The following TNFRSF13B variants were observed in gnomAD, a reference collection of about 807,000 sequenced individuals.
The protein encoded by TNFRSF13B is TNF receptor superfamily member 13B.
A neutral mutation model predicts 24.0 loss-of-function variants in TNFRSF13B; 34 were observed. That is an observed-to-expected ratio of 1.41 (90% CI 1.08 to 1.88). The LOEUF (loss-of-function observed/expected upper bound fraction) is 1.88. TNFRSF13B is among the 40% of genes most tolerant of loss of function. The probability of loss-of-function intolerance (pLI) is 0.00; values close to 1 mark genes in which losing one functional copy is unlikely to be tolerated. For synonymous variants in TNFRSF13B, 173 were observed against 150.3 expected (o/e 1.15, Z -1.10); for missense variants, 415 against 380.8 (o/e 1.09, Z -0.75).
At chr17:16,958,689 C>T (rs766893645) in intron 1 of TNFRSF13B, among the ~76,000 whole-genome samples, 3 of 151,842 alleles carry the variant, frequency 2.0e-5, no homozygotes, top group Non-Finnish European at 2.9e-5. Context: ...ACAAAGCAGA[C>T]TTTAAATCAC....
chr17:16,939,646 G>T lies in TNFRSF13B; in HGVS notation c.783C>A (p.Cys261Ter), dbSNP rs1452041895. 7 of 1,612,562 alleles carry T rather than the reference G, an allele frequency of 4.3e-6. No individual in the cohort carries two copies. The highest frequency in any genetic ancestry group is 4.5e-5 in the East Asian group (2 of 44,866). The change falls in exon 5 of 5, where the codon TGC (cysteine) becomes TGA (stop). Residue 261 changes from cysteine to a stop codon, truncating the protein, a stop_gained. Transcript: ENST00000261652. LOFTEE classifies it low-confidence loss of function (END_TRUNC). ...GCTGCAGGACTGTGGTCCTGGTGTGGCACCCCCACCTTCCAGCACAAGTGG... is the reference window on the plus strand; with the variant it reads ...GCTGCAGGACTGTGGTCCTGGTGTGTCACCCCCACCTTCCAGCACAAGTGG... ...PDPTCAGRWG[C>*]HTRTTVLQPC...
At position 16,939,522 on chromosome 17, in the gene TNFRSF13B, C is replaced by T. The variant is rs761359165; in HGVS notation, c.*25G>A. The stretch of plus-strand genomic sequence containing the variant: ...TCCCCTCCTCTCCATCTCTCTCCCT[C>T]CTCCTTTCCCTCCCTGACCCCCATT... On this transcript the variant is annotated 3_prime_UTR_variant, in exon 5 of 5. Transcript: ENST00000261652. 1.2e-4 allele frequency: 200 copies of T among 1,609,350 alleles called. No homozygotes were observed. The highest frequency in any genetic ancestry group is 1.5e-4 in the Non-Finnish European group (180 of 1,177,546).
intron 3 of TNFRSF13B, among the ~76,000 whole-genome samples, chr17:16,947,054 C>G (rs1227399191): frequency 6.6e-6 from 1 of 152,132 alleles, no homozygotes; most frequent in Non-Finnish European, 1.5e-5. Context: ...GAGCTGGTAC[C>G]AATTCTACTG....
At chr17:16,968,141 C>CAAA (rs1455676355) in intron 1 of TNFRSF13B, among the ~76,000 whole-genome samples, 9 of 31,578 alleles carry the variant, frequency 2.9e-4, no homozygotes, top group African/African-American at 4.1e-4. Context: ...AACCCTGTCT[C>CAAA]AAAAAAAAAA....
chr17:16,944,241 G>T (rs1180379140), intron 3 of TNFRSF13B, among the ~76,000 whole-genome samples: 1 of 152,162 alleles, frequency 6.6e-6, no homozygotes, highest in Non-Finnish European at 1.5e-5. Flanking sequence ...ACAGTTCTCT[G>T]CTCCTAGCAG....
intron 1 of TNFRSF13B, among the ~76,000 whole-genome samples, chr17:16,962,790 G>T (rs562724269): frequency 6.6e-6 from 1 of 152,120 alleles, no homozygotes; most frequent in African/African-American, 2.4e-5. Flanking sequence ...ACATTCTGGA[G>T]CAGAGCCGGC....
At position 16,951,781 on chromosome 17, in the gene TNFRSF13B, G is replaced by T. The variant is rs1297811698; in HGVS notation, c.199+665C>A. Among the ~76,000 whole-genome samples the T allele has an allele frequency of 2.0e-5, 3 of 152,146 alleles. No homozygotes were observed. The East Asian group carries it at 5.8e-4, about 29-fold the overall frequency. Reference sequence around the variant, plus strand: ...CACATGCCTGTAATCCCAGCTACTCGGGAGGCTGAGGAGGGAGAATCACTT... The same window carrying T: ...CACATGCCTGTAATCCCAGCTACTCTGGAGGCTGAGGAGGGAGAATCACTT... On this transcript the variant is annotated intron_variant, in intron 2 of 4. Coordinates refer to ENST00000261652, the MANE Select transcript of TNFRSF13B (RefSeq NM_012452.3).
chr17:16,941,727 A>T (rs1335826528), intron 3 of TNFRSF13B, among the ~76,000 whole-genome samples: 1 of 152,220 alleles, frequency 6.6e-6, no homozygotes, highest in African/African-American at 2.4e-5. Context: ...GACAATTTTT[A>T]TCACCAAACA....
chr17:16,952,495 G>T lies in TNFRSF13B; in HGVS notation c.150C>A (p.Cys50Ter). 3.7e-6 allele frequency: 6 copies of T among 1,614,192 alleles called. No individual in the cohort carries two copies. The highest frequency in any genetic ancestry group is 5.1e-6 in the Non-Finnish European group (6 of 1,180,018). Reference protein sequence around the residue: ...WDPLLGTCMSCKTICNHQSQR... With the variant: ...WDPLLGTCMS The stretch of plus-strand genomic sequence containing the variant: ...GGCTCTGATGGTTGCAAATGGTTTT[G>T]CAGGACATGCAGGTACCCAGCAGAG... The change falls in exon 2 of 5, where the codon TGC (cysteine) becomes TGA (stop). Residue 50 changes from cysteine to a stop codon, truncating the protein, a stop_gained. Coordinates refer to ENST00000261652, the MANE Select transcript of TNFRSF13B (RefSeq NM_012452.3). LOFTEE classifies it high-confidence loss of function.
intron 1 of TNFRSF13B, among the ~76,000 whole-genome samples, chr17:16,965,369 A>G (rs550092910): frequency 6.6e-6 from 1 of 152,166 alleles, no homozygotes; most frequent in African/African-American, 2.4e-5. Context: ...CTGCTGGGTG[A>G]CATTTCTTGT....
At chr17:16,943,330 C>G (rs559915961) in intron 3 of TNFRSF13B, among the ~76,000 whole-genome samples, 2 of 152,282 alleles carry the variant, frequency 1.3e-5, no homozygotes, top group African/African-American at 4.8e-5. Context: ...AGTGATGCAG[C>G]CACAAGCCCA....
rs112170436 is a variant in TNFRSF13B at position 16,939,872 on chromosome 17, G to T, written c.632-75C>A. 112 of 1,492,378 alleles carry T rather than the reference G, an allele frequency of 7.5e-5. 2 individuals are homozygous for T. Among genetic ancestry groups the T allele is most frequent in the African/African-American group, 5.7e-4 (41 of 71,622 alleles). 92.4% of individuals were successfully genotyped at this position (1,492,378 alleles called of 1,614,324 possible). On this transcript the variant is annotated intron_variant, in intron 4 of 4. Coordinates refer to ENST00000261652, the MANE Select transcript of TNFRSF13B (RefSeq NM_012452.3). Reference sequence around the variant, plus strand: ...GGTAGGGGTGACGGTGTGGGCAGCCGCACTCTCCCCCGACCCAGGAGCTAA... The same window carrying T: ...GGTAGGGGTGACGGTGTGGGCAGCCTCACTCTCCCCCGACCCAGGAGCTAA...
intron 1 of TNFRSF13B, among the ~76,000 whole-genome samples, chr17:16,966,832 C>CTTTTTTTTTTTTTTTTTTTTTTT (rs796602708): frequency 1.0e-5 from 1 of 95,848 alleles, no homozygotes; most frequent in Non-Finnish European, 2.0e-5. Flanking sequence ...TTTTCTTTTT[C>CTTTTTTTTTTTTTTTTTTTTTTT]TTTTTTCTTT....
chr17:16,966,810 G>T (rs117923491), intron 1 of TNFRSF13B, among the ~76,000 whole-genome samples: 1,814 of 137,928 alleles, frequency 0.013, 14 homozygotes, highest in African/African-American at 0.024. Context: ...ACAACATTTG[G>T]TTTTTTTTGT....
intron 2 of TNFRSF13B, among the ~76,000 whole-genome samples, chr17:16,949,922 G>T (rs2087577015): frequency 6.6e-6 from 1 of 152,070 alleles, no homozygotes; most frequent in Non-Finnish European, 1.5e-5. Flanking sequence ...CTGACCTCAG[G>T]TGATCTGCCT....
intron 4 of TNFRSF13B, 151 bp from the exon 5 acceptor site, chr17:16,939,948 T>C (rs1413143413): frequency 3.4e-6 from 4 of 1,177,258 alleles, no homozygotes; most frequent in Non-Finnish European, 2.3e-6. Context: ...TGTCCGCCAG[T>C]TGCTGACCAG....
chr17:16,967,750 T>TTAAAAAAAAAAAAAAA (rs1567657162), intron 1 of TNFRSF13B, among the ~76,000 whole-genome samples: 3 of 19,378 alleles, frequency 1.5e-4, no homozygotes, highest in Admixed American at 7.8e-4. Context: ...AGACTCCGTC[T>TTAAAAAAAAAAAAAAA]CAAAAAAAAA....
At chr17:16,941,270 C>A in intron 3 of TNFRSF13B, 1 of 987,802 alleles carries the variant, frequency 1.0e-6, no homozygotes, top group Non-Finnish European at 1.2e-6. Context: ...GAGAGTAGGA[C>A]AGGCGACGTT....
In TNFRSF13B at chr17:16,941,459, G is replaced by T. The variant is rs1394928415; in HGVS notation, c.446-948C>A. ...CCAAAAGCTCTTCCTTGTCCCTGGA[G>T]CTGGGCATCCTCTAGGCGCTGGGTG... is the stretch of plus-strand genomic sequence containing the variant. On this transcript the variant is annotated intron_variant, in intron 3 of 4. Transcript: ENST00000261652. 3.0e-6 allele frequency: 3 copies of T among 987,524 alleles called. No individual in the cohort carries two copies. The African/African-American group carries it at 5.2e-5, about 17-fold the overall frequency. 61.2% of individuals were successfully genotyped at this position (987,524 alleles called of 1,614,324 possible). A position where few individuals can be genotyped will look rare whatever the true frequency, so the allele number is the denominator to read the frequency against.
Sources: allele counts gnomAD v4.1 joint callset (sites outside exome capture counted in the v4.1 genomes callset), GRCh38; gene constraint gnomAD v4.1.1; transcripts MANE v1.5; gene names NCBI Gene and HGNC (gene_info 2026-07-23, HGNC 2026-07-21).